The following EDARADD variants were observed in gnomAD, a reference collection of about 807,000 sequenced individuals.
The protein encoded by EDARADD is ectodysplasin-A receptor-associated adapter protein.
EDARADD carries 20 observed loss-of-function variants against 25.6 expected under a neutral mutation model. That is an observed-to-expected ratio of 0.78 (90% confidence interval 0.55 to 1.14). EDARADD has a LOEUF of 1.14. EDARADD is among the 50% of genes most tolerant of loss of function. The pLI is 0.00. For synonymous variants in EDARADD, 86 were observed against 94.4 expected (o/e 0.91, Z 0.52); for missense variants, 225 against 270.1 (o/e 0.83, Z 1.17).
At chr1:236,415,010 T>A (rs774060163) in intron 3 of EDARADD, among the ~76,000 whole-genome samples, 7 of 152,092 alleles carry the variant, frequency 4.6e-5, no homozygotes, top group African/African-American at 9.7e-5. Flanking sequence ...TGGGCAGGAT[T>A]TCCCCCCGTG....
chr1:236,470,088 C>T (rs185991665), intron 5 of EDARADD, among the ~76,000 whole-genome samples: 34 of 152,280 alleles, frequency 2.2e-4, no homozygotes, highest in African/African-American at 7.2e-4. Flanking sequence ...TGAGCCACCA[C>T]GCCTGGTGAG....
rs1308663633 is a variant in EDARADD at position 236,482,098 on chromosome 1, G to T, written c.266-169G>T. ...CCACTGCACTCCAGCCTGGGCGAAAGAGCGAGACTCCATCTCAAAAAAAAA... is the reference window on the plus strand; with the variant it reads ...CCACTGCACTCCAGCCTGGGCGAAATAGCGAGACTCCATCTCAAAAAAAAA... On this transcript the variant is annotated intron_variant, in intron 5 of 5. Coordinates refer to ENST00000334232, the MANE Select transcript of EDARADD (RefSeq NM_145861.4). Among the ~76,000 whole-genome samples, 27 of 143,616 alleles carry T rather than the reference G, an allele frequency of 1.9e-4. No individual in the cohort carries two copies. In the East Asian group the frequency reaches 2.2e-3, roughly 12 times the overall value. The allele number at this position is 143,616 out of a possible 152,430, so 94.2% of individuals were successfully genotyped here.
intron 5 of EDARADD, among the ~76,000 whole-genome samples, chr1:236,471,822 G>T (rs1659368293): frequency 6.6e-6 from 1 of 152,148 alleles, no homozygotes; most frequent in African/African-American, 2.4e-5. Flanking sequence ...CACCTTCCCT[G>T]CAGGGAGGCA....
At position 236,395,573 on chromosome 1, in the gene EDARADD, G is replaced by C; in HGVS notation, c.61+1068G>C. 1 of 1,544,174 alleles carries C rather than the reference G, an allele frequency of 6.5e-7. No individual in the cohort carries two copies. Among genetic ancestry groups the C allele is most frequent in the East Asian group, 2.4e-5 (1 of 40,994 alleles). On this transcript the variant is annotated intron_variant, in intron 1 of 5. Transcript: ENST00000334232. This position sits in a 1 kb window ranked among gnomAD's most constrained non-coding sequence, Gnocchi z 6.9. The stretch of plus-strand genomic sequence containing the variant: ...ATCCCCGTGGTCCCACGGTCCTCCC[G>C]CGCCCCGGAGGCCTGCCAGCCCCGC...
At chr1:236,377,656 G>A (rs1667239337) in intron 3 of EDARADD, among the ~76,000 whole-genome samples, 3 of 150,866 alleles carry the variant, frequency 2.0e-5, no homozygotes, top group South Asian at 2.1e-4. Flanking sequence ...TCAAGAAATC[G>A]AGACCATCCT....
At chr1:236,430,186 A>G (rs1310262170) in intron 4 of EDARADD, among the ~76,000 whole-genome samples, 1 of 152,244 alleles carries the variant, frequency 6.6e-6, no homozygotes, top group African/African-American at 2.4e-5. Flanking sequence ...AATTGTGAAT[A>G]TCAGACTTCA....
chr1:236,396,339 C>G (rs992428414), intron 1 of EDARADD, among the ~76,000 whole-genome samples: 1 of 152,186 alleles, frequency 6.6e-6, no homozygotes, highest in Non-Finnish European at 1.5e-5. Flanking sequence ...CTGGAGTTCT[C>G]TCTCTCCGCT....
intron 3 of EDARADD, among the ~76,000 whole-genome samples, chr1:236,372,397 G>C (rs545720504): frequency 1.3e-5 from 2 of 152,306 alleles, no homozygotes; most frequent in Non-Finnish European, 2.9e-5. Context: ...TGTTAAATCA[G>C]TCTTGCATAT....
At chr1:236,383,430 A>G (rs900208069) in intron 3 of EDARADD, among the ~76,000 whole-genome samples, 1 of 151,954 alleles carries the variant, frequency 6.6e-6, no homozygotes, top group African/African-American at 2.4e-5. Context: ...AGCTGAGTGC[A>G]ATCATAGGAA....
chr1:236,455,834 G>T (rs1658844577), intron 4 of EDARADD, among the ~76,000 whole-genome samples: 1 of 152,184 alleles, frequency 6.6e-6, no homozygotes, highest in South Asian at 2.1e-4. Flanking sequence ...CTGTCACCCA[G>T]GCTGGAGAGC....
At chr1:236,450,975 A>G (rs768423050) in intron 4 of EDARADD, among the ~76,000 whole-genome samples, 3 of 152,130 alleles carry the variant, frequency 2.0e-5, no homozygotes, top group African/African-American at 7.2e-5. Context: ...TGATACTACT[A>G]TCTTGACTCT....
At chr1:236,401,264 C>G (rs771399720) in intron 1 of EDARADD, among the ~76,000 whole-genome samples, 63 of 152,114 alleles carry the variant, frequency 4.1e-4, no homozygotes, top group Non-Finnish European at 4.1e-4. Flanking sequence ...ATCACACATT[C>G]AAATAATTGC....
intron 3 of EDARADD, among the ~76,000 whole-genome samples, chr1:236,361,660 C>T (rs1667052719): frequency 1.3e-5 from 1 of 75,340 alleles, no homozygotes; most frequent in African/African-American, 5.7e-5. Context: ...TTCCTTCATA[C>T]CATAGGTATT....
At chr1:236,381,112 C>A (rs1667291234) in intron 3 of EDARADD, among the ~76,000 whole-genome samples, 1 of 152,152 alleles carries the variant, frequency 6.6e-6, no homozygotes. Flanking sequence ...AATCAGCTTT[C>A]TGTTATTATA....
At chr1:236,356,261 C>T (rs1666974241) in intron 3 of EDARADD, among the ~76,000 whole-genome samples, 1 of 152,076 alleles carries the variant, frequency 6.6e-6, no homozygotes, top group Non-Finnish European at 1.5e-5. Flanking sequence ...GGTTATGGAG[C>T]AGGGGAGGAA....
At chr1:236,360,966 G>C (rs1667039881) in intron 3 of EDARADD, among the ~76,000 whole-genome samples, 1 of 152,150 alleles carries the variant, frequency 6.6e-6, no homozygotes, top group Non-Finnish European at 1.5e-5. Flanking sequence ...GAAAGAGGCA[G>C]CATTGCCAGG....
chr1:236,367,015 C>T (rs647694), intron 3 of EDARADD, among the ~76,000 whole-genome samples: 49,794 of 146,200 alleles, frequency 0.34, 8,668 homozygotes, highest in African/African-American at 0.42. Context: ...ACTCAGGAGA[C>T]GGAGGTTGCA....
At chr1:236,382,864 C>A (rs538176244) in intron 3 of EDARADD, among the ~76,000 whole-genome samples, 46 of 152,226 alleles carry the variant, frequency 3.0e-4, no homozygotes, top group African/African-American at 1.1e-3. Flanking sequence ...TGGTTCTTTC[C>A]CCAGCCTTGG....
chr1:236,396,786 T>G (rs1327191830), intron 1 of EDARADD, among the ~76,000 whole-genome samples: 2 of 151,640 alleles, frequency 1.3e-5, no homozygotes, highest in Non-Finnish European at 2.9e-5. Flanking sequence ...CCCATCCCCA[T>G]ACCTATTGTT....
Sources: gnomAD v4.1 joint callset for allele counts (sites outside exome capture counted in the v4.1 genomes callset) on GRCh38, gnomAD v4.1.1 for gene constraint, Gnocchi (gnomAD v3.1) non-coding constraint, MANE v1.5 for transcripts, NCBI Gene and HGNC (gene_info 2026-07-23, HGNC 2026-07-21) for gene names.